Variants in KHDRBS2 observed in about 807,000 individuals in gnomAD.
KHDRBS2 encodes KH domain-containing, RNA-binding, signal transduction-associated protein 2.
KHDRBS2 carries 26 observed loss-of-function variants against 44.3 expected under a neutral mutation model. The ratio of observed to expected loss-of-function variants is 0.59; its 90% CI spans 0.43 to 0.81. KHDRBS2 has a LOEUF of 0.81. Ranked by LOEUF, KHDRBS2 falls within the 40% of genes least tolerant of loss-of-function variation. The pLI is 0.00. For missense variants in KHDRBS2, 476 were observed against 433.1 expected (o/e 1.10, Z -0.88); for synonymous variants, 194 against 151.1 (o/e 1.28, Z -2.08).
intron 1 of KHDRBS2, among the ~76,000 whole-genome samples, chr6:62,275,559 G>C (rs1398082968): frequency 6.6e-6 from 1 of 152,120 alleles, no homozygotes; most frequent in Non-Finnish European, 1.5e-5. Flanking sequence ...TAAAATGAAT[G>C]TACTGGTGGA....
rs183363875 is a variant in KHDRBS2 at position 61,716,564 on chromosome 6, A to T, written c.893+16118T>A. ...AGCATTACTGACCTTCATTTTTTTA[A>T]AAAAACCTAGGCTACATGGCCACAA... On this transcript the variant is annotated intron_variant, in intron 7 of 8. Coordinates refer to ENST00000281156, the MANE Select transcript of KHDRBS2 (RefSeq NM_152688.4). 2.0e-3 allele frequency among the ~76,000 whole-genome samples: 304 copies of T among 151,976 alleles called. 2 individuals carry two copies. The highest frequency in any genetic ancestry group is 6.9e-3 in the African/African-American group (287 of 41,502).
rs568208131 is a variant in KHDRBS2, at chr6:61,767,088, T to A, written c.811-34324A>T. Among the ~76,000 whole-genome samples, 16 of 152,218 alleles carry A rather than the reference T, an allele frequency of 1.1e-4. No homozygotes were observed. The South Asian group carries it at 3.3e-3, about 32-fold the overall frequency. On this transcript the variant is annotated intron_variant, in intron 6 of 8. Transcript: ENST00000281156. The stretch of plus-strand genomic sequence containing the variant: ...GTAGCTATTATTGTTTTGGAGTCTA[T>A]CACTCTCTTTAGTTCTCATAGTATT...
At chr6:61,874,366 A>G (rs1354597056) in intron 6 of KHDRBS2, among the ~76,000 whole-genome samples, 1 of 152,174 alleles carries the variant, frequency 6.6e-6, no homozygotes, top group Non-Finnish European at 1.5e-5. Context: ...CATGCTGATT[A>G]AACAGAATAG....
At chr6:61,923,501 G>A (rs571390779) in intron 4 of KHDRBS2, among the ~76,000 whole-genome samples, 3 of 152,020 alleles carry the variant, frequency 2.0e-5, no homozygotes, top group Non-Finnish European at 4.4e-5. Context: ...TTTATCCCAG[G>A]AATGCAATAT....
intron 1 of KHDRBS2, among the ~76,000 whole-genome samples, chr6:62,211,930 G>A (rs1386400933): frequency 6.6e-6 from 1 of 152,116 alleles, no homozygotes; most frequent in Non-Finnish European, 1.5e-5. Flanking sequence ...TGGTAGACTG[G>A]ATAAAGAAAA....
chr6:61,797,772 T>C (rs1361652637), intron 6 of KHDRBS2, among the ~76,000 whole-genome samples: 1 of 151,318 alleles, frequency 6.6e-6, no homozygotes, highest in Non-Finnish European at 1.5e-5. Flanking sequence ...TGTATGTATA[T>C]ATATCGTATA....
chr6:61,698,102 C>T (rs996575086), intron 7 of KHDRBS2, among the ~76,000 whole-genome samples: 1 of 152,146 alleles, frequency 6.6e-6, no homozygotes, highest in African/African-American at 2.4e-5. Flanking sequence ...TTGACAAGAT[C>T]TTAACATTTT....
intron 6 of KHDRBS2, among the ~76,000 whole-genome samples, chr6:61,771,205 A>T (rs1780837128): frequency 6.6e-6 from 1 of 152,214 alleles, no homozygotes; most frequent in Non-Finnish European, 1.5e-5. Flanking sequence ...ATGGAAAGGA[A>T]CAACTGGTAC....
chr6:62,128,947 G>A (rs1470298595), intron 2 of KHDRBS2, among the ~76,000 whole-genome samples: 2 of 151,942 alleles, frequency 1.3e-5, no homozygotes, highest in Non-Finnish European at 2.9e-5. Context: ...ACATAACAAA[G>A]TTTCAGAAAA....
At chr6:61,969,738 C>G (rs1470438221) in intron 4 of KHDRBS2, among the ~76,000 whole-genome samples, 1 of 151,456 alleles carries the variant, frequency 6.6e-6, no homozygotes, top group African/African-American at 2.4e-5. Flanking sequence ...ATTTTCAATC[C>G]CTTCAGTATG....
chr6:61,661,930 GCATCGC>G, the KHDRBS2 span, among the ~76,000 whole-genome samples: 1 of 151,686 alleles, frequency 6.6e-6, no homozygotes, highest in East Asian at 2.0e-4. Context: ...AAAAGAGCCC[GCATCGC>G]CAAGCCAATC....
intron 3 of KHDRBS2, among the ~76,000 whole-genome samples, chr6:62,016,478 GTA>G (rs902557305): frequency 2.7e-5 from 4 of 149,794 alleles, no homozygotes; most frequent in Admixed American, 6.7e-5. Context: ...ATACACATAT[GTA>G]TATATATATA....
At chr6:62,018,202 A>T (rs1781574344) in intron 3 of KHDRBS2, among the ~76,000 whole-genome samples, 1 of 150,820 alleles carries the variant, frequency 6.6e-6, no homozygotes, top group Non-Finnish European at 1.5e-5. Flanking sequence ...CAAATATAAA[A>T]ATATACAAAT....
intron 6 of KHDRBS2, among the ~76,000 whole-genome samples, chr6:61,745,743 G>A (rs1351515582): frequency 6.6e-6 from 1 of 152,124 alleles, no homozygotes; most frequent in Admixed American, 6.6e-5. Flanking sequence ...CCAGCGGACT[G>A]GCCACACAAG....
chr6:61,916,768 G>A (rs1263789118), intron 4 of KHDRBS2, among the ~76,000 whole-genome samples: 1 of 151,862 alleles, frequency 6.6e-6, no homozygotes, highest in Non-Finnish European at 1.5e-5. Flanking sequence ...AATTTAGTGA[G>A]CAAGGGTGAA....
At chr6:61,836,670 T>A (rs1224527761) in intron 6 of KHDRBS2, among the ~76,000 whole-genome samples, 3 of 152,022 alleles carry the variant, frequency 2.0e-5, no homozygotes, top group Admixed American at 2.0e-4. Context: ...TGATCTCTCT[T>A]CAATTATTTA....
At chr6:61,550,460 TC>T in the KHDRBS2 span, among the ~76,000 whole-genome samples, 1 of 152,198 alleles carries the variant, frequency 6.6e-6, no homozygotes, top group Non-Finnish European at 1.5e-5. Context: ...TTAGACTGAT[TC>T]CATATCTTTG....
At chr6:62,129,805 G>T (rs188596452) in intron 2 of KHDRBS2, among the ~76,000 whole-genome samples, 140 of 152,008 alleles carry the variant, frequency 9.2e-4, no homozygotes, top group African/African-American at 3.4e-3. Context: ...GCAGATAGAT[G>T]GTTTTCATGA....
At chr6:61,546,032 G>A in the KHDRBS2 span, among the ~76,000 whole-genome samples, 1 of 152,070 alleles carries the variant, frequency 6.6e-6, no homozygotes, top group Non-Finnish European at 1.5e-5. Flanking sequence ...TGTAGTAGCA[G>A]CCCAAGCTGA....
Sources: allele counts gnomAD v4.1 joint callset (sites outside exome capture counted in the v4.1 genomes callset), GRCh38; gene constraint gnomAD v4.1.1; transcripts MANE v1.5; gene names NCBI Gene and HGNC (gene_info 2026-07-23, HGNC 2026-07-21).